The following AGBL1 variants were observed in gnomAD, a reference collection of about 807,000 sequenced individuals.
AGBL1 encodes AGBL carboxypeptidase 1.
AGBL1 carries 130 observed loss-of-function variants against 118.9 expected under a neutral mutation model. The ratio of observed to expected loss-of-function variants is 1.09; its 90% CI spans 0.95 to 1.26. The LOEUF is 1.26. AGBL1 is among the 50% of genes most tolerant of loss of function. AGBL1 has a pLI of 0.00. For synonymous variants in AGBL1, 555 were observed against 478.9 expected, an observed-to-expected ratio of 1.16 and a Z score of -2.08; for missense variants, 1,584 against 1,298.1, an observed-to-expected ratio of 1.22 and a Z score of -3.38.
chr15:86,203,659 A>G (rs1409530658), intron 5 of AGBL1, among the ~76,000 whole-genome samples: 1 of 152,242 alleles, frequency 6.6e-6, no homozygotes, highest in Non-Finnish European at 1.5e-5. Context: ...TAATCTGTCA[A>G]TAGACTTCCT....
intron 22 of AGBL1, among the ~76,000 whole-genome samples, chr15:86,694,174 C>T (rs1177763667): frequency 6.6e-6 from 1 of 151,818 alleles, no homozygotes. Flanking sequence ...GAATTTGTAG[C>T]TTGCTTTTGG....
intron 23 of AGBL1, among the ~76,000 whole-genome samples, chr15:86,941,585 T>A (rs2080752682): frequency 6.6e-6 from 1 of 152,196 alleles, no homozygotes; most frequent in South Asian, 2.1e-4. Flanking sequence ...GAAGTCACTG[T>A]ATATAGAGAT....
At chr15:86,811,227 A>C (rs762025684) in intron 22 of AGBL1, among the ~76,000 whole-genome samples, 1 of 152,182 alleles carries the variant, frequency 6.6e-6, no homozygotes, top group Non-Finnish European at 1.5e-5. Flanking sequence ...TCTTCTTCCT[A>C]TTGGTAGTGG....
At chr15:86,257,718 G>A (rs1200784563) in intron 8 of AGBL1, among the ~76,000 whole-genome samples, 1 of 152,074 alleles carries the variant, frequency 6.6e-6, no homozygotes, top group African/African-American at 2.4e-5. Flanking sequence ...CATTTTTTCT[G>A]CACTTATTTT....
At chr15:86,684,526 G>A (rs2086020317) in intron 22 of AGBL1, among the ~76,000 whole-genome samples, 1 of 145,586 alleles carries the variant, frequency 6.9e-6, no homozygotes, top group Admixed American at 7.0e-5. Flanking sequence ...TCACTATGTT[G>A]CCCAGGCTGG....
At chr15:86,860,895 T>C (rs968521731) in intron 22 of AGBL1, among the ~76,000 whole-genome samples, 3 of 152,126 alleles carry the variant, frequency 2.0e-5, no homozygotes, top group Admixed American at 2.0e-4. Flanking sequence ...AGGGAGAGGC[T>C]TTTTGTTTAC....
chr15:86,501,389 T>C (rs1290110119), intron 18 of AGBL1, among the ~76,000 whole-genome samples: 2 of 151,622 alleles, frequency 1.3e-5, no homozygotes, highest in East Asian at 3.9e-4. Context: ...TTTTCTCCCA[T>C]TCTGTGGGGT....
chr15:86,669,785 C>A (rs370448236), intron 21 of AGBL1, among the ~76,000 whole-genome samples: 2 of 152,110 alleles, frequency 1.3e-5, no homozygotes, highest in Admixed American at 1.3e-4. Context: ...GCCCCGTCTC[C>A]TGGAAATGTT....
intron 21 of AGBL1, among the ~76,000 whole-genome samples, chr15:86,583,032 A>G (rs987487955): frequency 5.9e-5 from 9 of 152,096 alleles, no homozygotes; most frequent in Non-Finnish European, 1.0e-4. Flanking sequence ...AAAAGTTATA[A>G]TATTTTTTGA....
rs1322225385 is a variant in AGBL1, at chr15:86,479,768, A to G, written c.2556-43042A>G. Among the ~76,000 whole-genome samples, 9 of 152,338 alleles carry G rather than the reference A, an allele frequency of 5.9e-5. No individual in the cohort carries two copies. In the East Asian group the frequency reaches 1.3e-3, roughly 23 times the overall value. On this transcript the variant is annotated intron_variant, in intron 18 of 22. Coordinates refer to ENST00000614907, the MANE Select transcript of AGBL1 (RefSeq NM_001386094.1). ...CCAAAAGATTATAAATCATGCTGCT[A>G]TAAAGACACATGCACACGTATGTTT...
At chr15:86,138,104 G>A (rs2076913359) in intron 1 of AGBL1, among the ~76,000 whole-genome samples, 1 of 152,088 alleles carries the variant, frequency 6.6e-6, no homozygotes, top group Admixed American at 6.6e-5. Flanking sequence ...ATAGAGATAT[G>A]AATAAGACCT....
intron 21 of AGBL1, among the ~76,000 whole-genome samples, chr15:86,655,422 A>G (rs902690391): frequency 3.3e-5 from 5 of 152,216 alleles, no homozygotes; most frequent in Admixed American, 3.3e-4. Flanking sequence ...ATGTAAACAT[A>G]TAAATAACAC....
intron 18 of AGBL1, among the ~76,000 whole-genome samples, chr15:86,450,333 A>G (rs953794601): frequency 2.0e-5 from 3 of 152,314 alleles, no homozygotes; most frequent in Admixed American, 6.5e-5. Flanking sequence ...GGTGCATTAG[A>G]ATTTTTAGGT....
intron 21 of AGBL1, among the ~76,000 whole-genome samples, chr15:86,622,901 C>T (rs968482927): frequency 4.6e-5 from 7 of 152,132 alleles, no homozygotes; most frequent in Non-Finnish European, 7.3e-5. Context: ...TAGACAGTCC[C>T]GTCTGGAGGT....
chr15:86,100,460 G>A (rs1472307026), intron 1 of AGBL1, among the ~76,000 whole-genome samples: 1 of 151,978 alleles, frequency 6.6e-6, no homozygotes, highest in Admixed American at 6.5e-5. Context: ...GTTTTTCTTT[G>A]ATGGGAGAAA....
chr15:86,677,362 G>A (rs1025727553), intron 22 of AGBL1, among the ~76,000 whole-genome samples: 5 of 152,102 alleles, frequency 3.3e-5, no homozygotes, highest in African/African-American at 1.2e-4. Flanking sequence ...AGAAATGTCT[G>A]CATACTCACG....
At chr15:86,114,663 T>G (rs1056534954) in intron 1 of AGBL1, among the ~76,000 whole-genome samples, 1 of 152,192 alleles carries the variant, frequency 6.6e-6, no homozygotes, top group African/African-American at 2.4e-5. Context: ...TGAATCCTGT[T>G]GAAGTTGTAG....
chr15:86,642,021 A>G (rs991744319), intron 21 of AGBL1, among the ~76,000 whole-genome samples: 1 of 152,304 alleles, frequency 6.6e-6, no homozygotes, highest in East Asian at 1.9e-4. Flanking sequence ...TGGTAATGAG[A>G]AAAGTGTAAG....
At chr15:86,125,378 C>T (rs1898356589) in intron 1 of AGBL1, among the ~76,000 whole-genome samples, 1 of 152,102 alleles carries the variant, frequency 6.6e-6, no homozygotes, top group Non-Finnish European at 1.5e-5. Flanking sequence ...TTCCGTTAAC[C>T]ATTCTCATTC....
Sources: gnomAD v4.1 joint callset for allele counts (sites outside exome capture counted in the v4.1 genomes callset) on GRCh38, gnomAD v4.1.1 for gene constraint, MANE v1.5 for transcripts, NCBI Gene and HGNC (gene_info 2026-07-23, HGNC 2026-07-21) for gene names.